Variants in CDC42BPB observed in about 807,000 individuals in gnomAD.
CDC42BPB encodes the protein CDC42 binding protein kinase beta.
CDC42BPB carries 37 observed loss-of-function variants against 214.9 expected under a neutral mutation model. The observed-to-expected ratio is 0.17, with a 90% CI of 0.13 to 0.23. The LOEUF (loss-of-function observed/expected upper bound fraction) is 0.23. Among genes scored for constraint, CDC42BPB ranks in the 10% least tolerant of loss-of-function variants. The pLI, the probability that CDC42BPB is intolerant of heterozygous loss-of-function variation, is 1.00. For synonymous variants in CDC42BPB, 931 were observed against 884.0 expected, an observed-to-expected ratio of 1.05 and a Z score of -0.94; for missense variants, 1,694 against 2,227.0, an observed-to-expected ratio of 0.76 and a Z score of 4.82.
At chr14:103,052,072 T>C (rs1888640793) in intron 1 of CDC42BPB, among the ~76,000 whole-genome samples, 1 of 152,016 alleles carries the variant, frequency 6.6e-6, no homozygotes, top group Admixed American at 6.6e-5. Context: ...AAACTCCTGA[T>C]CCACTCACCT....
intron 16 of CDC42BPB, 96 bp from the exon 17 acceptor site, chr14:102,967,266 T>C: frequency 6.8e-7 from 1 of 1,463,000 alleles, no homozygotes; most frequent in South Asian, 1.5e-5. Flanking sequence ...ACTCTGAAAG[T>C]TTTCTTTAAT....
At chr14:103,044,706 T>A (rs1253110564) in intron 1 of CDC42BPB, among the ~76,000 whole-genome samples, 2 of 151,408 alleles carry the variant, frequency 1.3e-5, no homozygotes, top group Non-Finnish European at 2.9e-5. Flanking sequence ...GACGGGGGTC[T>A]CACTATGTTG....
At chr14:102,993,932 T>A (rs2139570974) in intron 5 of CDC42BPB, among the ~76,000 whole-genome samples, 1 of 152,228 alleles carries the variant, frequency 6.6e-6, no homozygotes, top group East Asian at 1.9e-4. Flanking sequence ...CTTAACTTTT[T>A]TGGTTTGGGA....
chr14:102,946,884 C>T (rs1240300734), intron 27 of CDC42BPB, 200 bp from the exon 28 acceptor site: 5 of 985,302 alleles, frequency 5.1e-6, no homozygotes, highest in African/African-American at 3.5e-5. Context: ...GGGTTCTAAA[C>T]AGCCCCGTGA....
chr14:102,983,917 T>C (rs892663008), intron 6 of CDC42BPB, 161 bp from the exon 7 acceptor site: 2 of 984,850 alleles, frequency 2.0e-6, no homozygotes, highest in African/African-American at 3.5e-5. Flanking sequence ...AAGCTGAGTA[T>C]AGTGCCTCGA....
At chr14:102,951,407 G>A (rs568124193) in intron 24 of CDC42BPB, among the ~76,000 whole-genome samples, 32 of 152,230 alleles carry the variant, frequency 2.1e-4, no homozygotes, top group African/African-American at 7.2e-4. Context: ...GGCTTGGGGT[G>A]GTTGCTCATC....
chr14:102,977,575 G>C (rs1893811042), intron 9 of CDC42BPB, among the ~76,000 whole-genome samples: 1 of 152,172 alleles, frequency 6.6e-6, no homozygotes, highest in Admixed American at 6.5e-5. Context: ...GCCCATTTGG[G>C]ACAGGGGCCC....
intron 1 of CDC42BPB, among the ~76,000 whole-genome samples, chr14:103,053,749 G>T (rs938209437): frequency 1.3e-5 from 2 of 148,268 alleles, no homozygotes; most frequent in African/African-American, 2.5e-5. Flanking sequence ...GCGACAGAGT[G>T]AGACTCCGTC....
rs370460361 is a variant in CDC42BPB, at chr14:102,944,550, G to A, written c.3812-63C>T. 2.6e-6 allele frequency: 4 copies of A among 1,556,764 alleles called. No homozygotes were observed. The highest frequency in any genetic ancestry group is 3.5e-6 in the Non-Finnish European group (4 of 1,151,588). The stretch of plus-strand genomic sequence containing the variant: ...CAGCCAGCAGCTCCCAGGGGCTGAC[G>A]GCCTTGGCTAAAGACTTGCCTGGAA... On this transcript the variant is annotated intron_variant, in intron 29 of 36. Coordinates refer to ENST00000361246, the MANE Select transcript of CDC42BPB (RefSeq NM_006035.4). The surrounding 1 kb of genome is among the most constrained non-coding windows in gnomAD (Gnocchi z 6.6).
At chr14:103,000,314 C>T (rs558875082) in intron 4 of CDC42BPB, among the ~76,000 whole-genome samples, 2 of 152,376 alleles carry the variant, frequency 1.3e-5, no homozygotes, top group Admixed American at 6.5e-5. Flanking sequence ...CGAGTTCCCT[C>T]GCCACCGGGC....
chr14:102,955,202 C>T (rs902157542), intron 21 of CDC42BPB, among the ~76,000 whole-genome samples: 1 of 152,176 alleles, frequency 6.6e-6, no homozygotes, highest in South Asian at 2.1e-4. Flanking sequence ...GGGGGCAGAC[C>T]ACCTGAAGTC....
intron 34 of CDC42BPB, among the ~76,000 whole-genome samples, chr14:102,939,231 GC>G (rs1486006552): frequency 6.6e-6 from 1 of 152,118 alleles, no homozygotes; most frequent in Non-Finnish European, 1.5e-5. Context: ...GAGCCACCAC[GC>G]CCAGCCAAAA....
intron 11 of CDC42BPB, 156 bp from the exon 12 acceptor site, chr14:102,974,305 C>A: frequency 1.0e-6 from 1 of 984,698 alleles, no homozygotes; most frequent in Non-Finnish European, 1.2e-6. Context: ...CACACACACA[C>A]ACACACACAC....
At chr14:102,963,851 G>T (rs184096752) in intron 19 of CDC42BPB, among the ~76,000 whole-genome samples, 32 of 152,350 alleles carry the variant, frequency 2.1e-4, no homozygotes, top group African/African-American at 7.5e-4. Context: ...CAAACTAACA[G>T]GATTTGGGAC....
At chr14:102,962,570 C>A (rs1192005927) in intron 20 of CDC42BPB, among the ~76,000 whole-genome samples, 1 of 152,216 alleles carries the variant, frequency 6.6e-6, no homozygotes, top group Non-Finnish European at 1.5e-5. Flanking sequence ...GAAGGATAGG[C>A]TGGGCACGGT....
intron 1 of CDC42BPB, among the ~76,000 whole-genome samples, chr14:103,014,278 A>C (rs999488969): frequency 1.4e-4 from 22 of 151,878 alleles, no homozygotes; most frequent in Non-Finnish European, 2.2e-4. Context: ...ACTCCAGACC[A>C]GCTCGTGCCC....
chr14:102,955,749 G>A (rs933431792), intron 21 of CDC42BPB, among the ~76,000 whole-genome samples: 1 of 152,250 alleles, frequency 6.6e-6, no homozygotes, highest in African/African-American at 2.4e-5. Flanking sequence ...AGTAGCAAGT[G>A]TTAGCACCAG....
intron 20 of CDC42BPB, among the ~76,000 whole-genome samples, chr14:102,960,415 G>C (rs993521913): frequency 6.6e-6 from 1 of 150,746 alleles, no homozygotes; most frequent in Admixed American, 6.6e-5. Context: ...CCATGAGTTT[G>C]AGACCAGCCT....
In CDC42BPB at chr14:102,992,782, AAT is replaced by A. The variant is rs532840255; in HGVS notation, c.597-6204_597-6203del. On this transcript the variant is annotated intron_variant, in intron 5 of 36. Coordinates refer to ENST00000361246, the MANE Select transcript of CDC42BPB (RefSeq NM_006035.4). Reference sequence around the variant, plus strand: ...ATATATTCAAAAAATATATATTAAAAATATATATATTCAAAAATATATATTAA... The same window carrying A: ...ATATATTCAAAAAATATATATTAAAAATATATATTCAAAAATATATATTAA... Among the ~76,000 whole-genome samples the A allele has an allele frequency of 4.7e-3, 692 of 148,382 alleles. 6 individuals carry two copies. The highest frequency in any genetic ancestry group is 0.016 in the African/African-American group (666 of 40,904).
Sources: gnomAD v4.1 joint callset for allele counts (sites outside exome capture counted in the v4.1 genomes callset) on GRCh38, gnomAD v4.1.1 for gene constraint, Gnocchi (gnomAD v3.1) non-coding constraint, MANE v1.5 for transcripts, NCBI Gene and HGNC (gene_info 2026-07-23, HGNC 2026-07-21) for gene names.